AGBL4: variants seen among roughly 807,000 people sequenced by gnomAD.
AGBL4 encodes the protein cytosolic carboxypeptidase 6.
AGBL4 carries 58 observed loss-of-function variants against 66.4 expected under a neutral mutation model. That is an observed-to-expected ratio of 0.87 (90% CI 0.71 to 1.09). The LOEUF (loss-of-function observed/expected upper bound fraction) is 1.09, where lower values mean the gene tolerates loss of function less well. AGBL4 is among the 50% of genes least tolerant of loss of function. The pLI is 0.00. For synonymous variants in AGBL4, 234 were observed against 222.9 expected, an observed-to-expected ratio of 1.05 and a Z score of -0.44; for missense variants, 579 against 631.0, an observed-to-expected ratio of 0.92 and a Z score of 0.88.
chr1:48,657,747 C>G (rs1646043297), intron 7 of AGBL4, among the ~76,000 whole-genome samples: 1 of 152,178 alleles, frequency 6.6e-6, no homozygotes, highest in Admixed American at 6.5e-5. Flanking sequence ...TGAAAGCACC[C>G]AACCTTGAGG....
chr1:49,939,691 C>CA (rs1397082022), intron 1 of AGBL4, among the ~76,000 whole-genome samples: 2 of 152,236 alleles, frequency 1.3e-5, no homozygotes, highest in East Asian at 3.9e-4. Context: ...ACACCTTATA[C>CA]AAAAATTAAT....
chr1:49,000,258 C>T (rs1661303721), intron 5 of AGBL4, among the ~76,000 whole-genome samples: 1 of 152,094 alleles, frequency 6.6e-6, no homozygotes, highest in Non-Finnish European at 1.5e-5. Context: ...GGTTTGAGTC[C>T]ATGCTTTTAA....
chr1:49,627,781 A>C (rs1383309230), intron 3 of AGBL4, among the ~76,000 whole-genome samples: 1 of 152,190 alleles, frequency 6.6e-6, no homozygotes, highest in African/African-American at 2.4e-5. Context: ...ATAAGATCAT[A>C]AGGCAATAGG....
intron 3 of AGBL4, among the ~76,000 whole-genome samples, chr1:49,264,213 G>A (rs1264224301): frequency 1.3e-5 from 2 of 151,898 alleles, no homozygotes; most frequent in African/African-American, 4.8e-5. Context: ...AAAGCAAGCA[G>A]GATCTGAAAG....
intron 2 of AGBL4, among the ~76,000 whole-genome samples, chr1:49,706,618 A>G (rs1003230989): frequency 7.9e-5 from 12 of 151,742 alleles, no homozygotes; most frequent in African/African-American, 2.7e-4. Context: ...TTGCTTCTCT[A>G]GTTCTTTTCA....
intron 5 of AGBL4, among the ~76,000 whole-genome samples, chr1:48,901,031 G>A (rs550040871): frequency 1.0e-3 from 155 of 151,118 alleles, no homozygotes; most frequent in African/African-American, 3.5e-3. Flanking sequence ...AATAAAAAAA[G>A]CAACCTAATT....
At chr1:49,420,080 G>C (rs1570672178) in intron 3 of AGBL4, among the ~76,000 whole-genome samples, 1 of 152,108 alleles carries the variant, frequency 6.6e-6, no homozygotes, top group Middle Eastern at 3.2e-3. Context: ...ACACCCAAAG[G>C]AATCTTCACC....
At chr1:49,629,814 C>T (rs1002559094) in intron 3 of AGBL4, among the ~76,000 whole-genome samples, 4 of 152,076 alleles carry the variant, frequency 2.6e-5, no homozygotes, top group African/African-American at 9.7e-5. Context: ...AGAAACATGG[C>T]CACCTCTTCT....
At chr1:49,354,383 T>C (rs1284991300) in intron 3 of AGBL4, among the ~76,000 whole-genome samples, 2 of 152,244 alleles carry the variant, frequency 1.3e-5, no homozygotes, top group Non-Finnish European at 2.9e-5. Context: ...TCATTTGGCT[T>C]CATGTCATTA....
chr1:49,602,122 T>A (rs1644971866), intron 3 of AGBL4, among the ~76,000 whole-genome samples: 1 of 152,032 alleles, frequency 6.6e-6, no homozygotes, highest in South Asian at 2.1e-4. Flanking sequence ...ATTAGAGAAA[T>A]GCAATTGAAA....
intron 5 of AGBL4, among the ~76,000 whole-genome samples, chr1:48,980,273 A>C (rs1659642868): frequency 6.6e-6 from 1 of 152,208 alleles, no homozygotes; most frequent in Non-Finnish European, 1.5e-5. Context: ...AGCATGGAGA[A>C]GAGCTGTGAG....
At chr1:49,429,787 C>T (rs1165109711) in intron 3 of AGBL4, among the ~76,000 whole-genome samples, 2 of 151,960 alleles carry the variant, frequency 1.3e-5, no homozygotes, top group South Asian at 2.1e-4. Flanking sequence ...TGCTCTGCTA[C>T]TTCTCTCTCT....
chr1:48,701,611 G>T (rs897338543), intron 6 of AGBL4, among the ~76,000 whole-genome samples: 4 of 152,140 alleles, frequency 2.6e-5, no homozygotes, highest in Non-Finnish European at 5.9e-5. Context: ...AACCCAGGTT[G>T]TTTTTAGCAT....
chr1:49,099,256 G>T (rs561126885), intron 4 of AGBL4, among the ~76,000 whole-genome samples: 1 of 152,256 alleles, frequency 6.6e-6, no homozygotes, highest in African/African-American at 2.4e-5. Context: ...CCAGGTATAT[G>T]GTATGTCCAA....
intron 3 of AGBL4, among the ~76,000 whole-genome samples, chr1:49,694,148 T>G (rs1190338280): frequency 6.6e-6 from 1 of 152,102 alleles, no homozygotes; most frequent in Non-Finnish European, 1.5e-5. Flanking sequence ...TACATACATG[T>G]TTTTTTGCCT....
At chr1:49,204,599 A>C (rs1469512344) in intron 4 of AGBL4, among the ~76,000 whole-genome samples, 1 of 152,100 alleles carries the variant, frequency 6.6e-6, no homozygotes, top group African/African-American at 2.4e-5. Context: ...GGGAAATGAT[A>C]ATCGTTATTA....
At chr1:48,728,709 G>T (rs151116031) in intron 6 of AGBL4, among the ~76,000 whole-genome samples, 1 of 152,182 alleles carries the variant, frequency 6.6e-6, no homozygotes, top group Non-Finnish European at 1.5e-5. Flanking sequence ...CAGCCTAGGC[G>T]TGGACTTGCT....
At chr1:49,656,909 G>A (rs1420725254) in intron 3 of AGBL4, among the ~76,000 whole-genome samples, 3 of 152,132 alleles carry the variant, frequency 2.0e-5, no homozygotes, top group South Asian at 2.1e-4. Context: ...CATACTGAAT[G>A]GGCAAAAACT....
intron 1 of AGBL4, among the ~76,000 whole-genome samples, chr1:49,879,359 G>T (rs1647138914): frequency 1.3e-5 from 2 of 150,464 alleles, no homozygotes. Flanking sequence ...AGGCCTGGTG[G>T]TGACAAAATC....
Sources: gnomAD v4.1 joint callset for allele counts (sites outside exome capture counted in the v4.1 genomes callset) on GRCh38, gnomAD v4.1.1 for gene constraint, MANE v1.5 for transcripts, NCBI Gene and HGNC (gene_info 2026-07-23, HGNC 2026-07-21) for gene names.